XRN2: variants seen among roughly 807,000 people sequenced by gnomAD.
XRN2 encodes DHM1-like protein.
Under a neutral mutation model 138.5 loss-of-function variants are expected in XRN2, and 44 were observed. The observed-to-expected ratio is 0.32, with a 90% confidence interval of 0.25 to 0.41. The LOEUF (loss-of-function observed/expected upper bound fraction) is 0.41, where lower values mean the gene tolerates loss of function less well. Ranked by LOEUF, XRN2 falls within the 10% of genes least tolerant of loss-of-function variation. The probability of loss-of-function intolerance (pLI) is 1.00; values close to 1 mark genes in which losing one functional copy is unlikely to be tolerated. For synonymous variants in XRN2, 354 were observed against 369.4 expected (o/e 0.96, Z 0.48); for missense variants, 937 against 1,169.3 (o/e 0.80, Z 2.90).
chr20:21,340,093 G>T (rs532268064), intron 14 of XRN2, among the ~76,000 whole-genome samples: 2 of 152,232 alleles, frequency 1.3e-5, no homozygotes, highest in East Asian at 3.9e-4. Flanking sequence ...TGGAAATAAA[G>T]AGTTAAATTC....
At chr20:21,323,021 G>A (rs2038068688) in intron 1 of XRN2, among the ~76,000 whole-genome samples, 1 of 152,182 alleles carries the variant, frequency 6.6e-6, no homozygotes, top group Non-Finnish European at 1.5e-5. Context: ...ATGGGACCTG[G>A]GTGGGTGAAG....
intron 24 of XRN2, among the ~76,000 whole-genome samples, chr20:21,358,380 A>G (rs2038599444): frequency 6.6e-6 from 1 of 152,206 alleles, no homozygotes; most frequent in African/African-American, 2.4e-5. Context: ...ATAAAATGTA[A>G]TATGACCATT....
intron 22 of XRN2, 51 bp from the exon 23 acceptor site, chr20:21,356,535 T>G: frequency 6.5e-7 from 1 of 1,539,234 alleles, no homozygotes; most frequent in Non-Finnish European, 8.9e-7. Context: ...TCTGCTTGAG[T>G]CCCAGTTTTC....
intron 1 of XRN2, among the ~76,000 whole-genome samples, chr20:21,320,264 C>CATTT (rs1172643793): frequency 5.1e-5 from 4 of 79,060 alleles, no homozygotes; most frequent in East Asian, 6.0e-4. Context: ...CTATTGGCAT[C>CATTT]ATTTATTTAT....
chr20:21,313,495 G>C (rs1000727265), intron 1 of XRN2, among the ~76,000 whole-genome samples: 5 of 152,196 alleles, frequency 3.3e-5, no homozygotes, highest in African/African-American at 1.2e-4. Context: ...ATGAAGATTG[G>C]CTATGTATGT....
chr20:21,349,503 C>A, intron 20 of XRN2, 42 bp downstream of exon 20: 1 of 1,376,924 alleles, frequency 7.3e-7, no homozygotes, highest in African/African-American at 1.4e-5. Flanking sequence ...TGTGAACAAA[C>A]ATAATTTTTG....
At chr20:21,373,443 A>G (rs772693411) in intron 27 of XRN2, among the ~76,000 whole-genome samples, 13 of 152,240 alleles carry the variant, frequency 8.5e-5, no homozygotes, top group Admixed American at 2.0e-4. Context: ...GCGTCCTTCA[A>G]TGCACATATG....
chr20:21,357,450 C>G (rs572045295), intron 23 of XRN2, among the ~76,000 whole-genome samples: 1 of 152,242 alleles, frequency 6.6e-6, no homozygotes, highest in East Asian at 1.9e-4. Flanking sequence ...CTTGTCACAG[C>G]TTTAATTTCT....
intron 29 of XRN2, among the ~76,000 whole-genome samples, chr20:21,388,842 G>A (rs886271363): frequency 2.0e-5 from 3 of 152,150 alleles, no homozygotes; most frequent in Non-Finnish European, 4.4e-5. Flanking sequence ...TGCTCATTTG[G>A]CCTTAACTGA....
intron 22 of XRN2, 62 bp downstream of exon 22, chr20:21,356,239 A>G: frequency 7.7e-7 from 1 of 1,302,184 alleles, no homozygotes; most frequent in Non-Finnish European, 1.1e-6. Flanking sequence ...AAATATGCAT[A>G]ACATAAAATT....
intron 15 of XRN2, 116 bp downstream of exon 15, chr20:21,340,968 T>A: frequency 8.3e-7 from 1 of 1,201,156 alleles, no homozygotes; most frequent in Non-Finnish European, 1.2e-6. Context: ...TAGTTTTTCT[T>A]AATTGCTTTG....
At chr20:21,387,964 A>G (rs941759588) in intron 29 of XRN2, among the ~76,000 whole-genome samples, 1 of 152,044 alleles carries the variant, frequency 6.6e-6, no homozygotes, top group African/African-American at 2.4e-5. Flanking sequence ...AGATTTTGTT[A>G]CAGTTTATTT....
intron 1 of XRN2, among the ~76,000 whole-genome samples, chr20:21,316,696 G>A (rs2037963382): frequency 6.6e-6 from 1 of 152,164 alleles, no homozygotes; most frequent in Admixed American, 6.5e-5. Flanking sequence ...TGATTACAGA[G>A]CACGTTGAAT....
intron 16 of XRN2, among the ~76,000 whole-genome samples, chr20:21,345,723 T>C (rs1392641003): frequency 6.6e-6 from 1 of 152,218 alleles, no homozygotes; most frequent in Non-Finnish European, 1.5e-5. Flanking sequence ...GACCTGCTTC[T>C]AGATTTTACC....
intron 13 of XRN2, among the ~76,000 whole-genome samples, chr20:21,336,718 A>G (rs992269628): frequency 2.0e-5 from 3 of 152,240 alleles, no homozygotes; most frequent in Admixed American, 2.0e-4. Flanking sequence ...CACAGTAACT[A>G]AGTAAACCTC....
intron 20 of XRN2, among the ~76,000 whole-genome samples, chr20:21,349,840 A>G (rs549341335): frequency 6.6e-6 from 1 of 152,352 alleles, no homozygotes; most frequent in Non-Finnish European, 1.5e-5. Context: ...TGGGATTAGC[A>G]ATGATTAATA....
At chr20:21,357,877 G>A in intron 24 of XRN2, 85 bp downstream of exon 24, 1 of 1,176,978 alleles carries the variant, frequency 8.5e-7, no homozygotes, top group Non-Finnish European at 1.2e-6. Context: ...GATTCACAAG[G>A]AAATGGCAGC....
chr20:21,318,688 G>C lies in XRN2; in HGVS notation c.76-7591G>C, dbSNP rs1433045117. ...ATCCCAAAGTAGTTTCTGGTTTCCC[G>C]TTTGATTTCTTCCTAGATCCCTTGG... On this transcript the variant is annotated intron_variant, in intron 1 of 29. Transcript: ENST00000377191. Among the ~76,000 whole-genome samples the C allele has an allele frequency of 2.0e-5, 3 of 151,840 alleles. No homozygotes were observed. The South Asian group carries it at 6.2e-4, about 32-fold the overall frequency.
intron 26 of XRN2, among the ~76,000 whole-genome samples, chr20:21,367,671 A>G (rs777479333): frequency 1.3e-5 from 2 of 152,202 alleles, no homozygotes; most frequent in African/African-American, 2.4e-5. Flanking sequence ...ATGTCTGTCA[A>G]GCGCTTAGGG....
Sources: allele counts gnomAD v4.1 joint callset (sites outside exome capture counted in the v4.1 genomes callset), GRCh38; gene constraint gnomAD v4.1.1; transcripts MANE v1.5; gene names NCBI Gene and HGNC (gene_info 2026-07-23, HGNC 2026-07-21).